SRPK1: variants seen among roughly 807,000 people sequenced by gnomAD.
SRPK1 encodes the protein SRSF protein kinase 1, also known as SFRS protein kinase 1.
A neutral mutation model predicts 89.5 loss-of-function variants in SRPK1; 52 were observed. The ratio of observed to expected loss-of-function variants is 0.58; its 90% confidence interval spans 0.46 to 0.73. The LOEUF is 0.73. SRPK1 is among the 30% of genes least tolerant of loss of function. The probability of loss-of-function intolerance (pLI) is 0.00; values close to 1 mark genes in which losing one functional copy is unlikely to be tolerated. For missense variants in SRPK1, 603 were observed against 780.6 expected, an observed-to-expected ratio of 0.77 and a Z score of 2.71; for synonymous variants, 255 against 270.2, an observed-to-expected ratio of 0.94 and a Z score of 0.55.
At chr6:35,891,714 C>T (rs972491397) in intron 2 of SRPK1, among the ~76,000 whole-genome samples, 8 of 142,664 alleles carry the variant, frequency 5.6e-5, no homozygotes, top group Admixed American at 2.2e-4. Flanking sequence ...GCAACAAGAG[C>T]GAAACTCTGT....
chr6:35,867,097 T>A (rs1769921996), intron 12 of SRPK1, among the ~76,000 whole-genome samples: 1 of 152,110 alleles, frequency 6.6e-6, no homozygotes, highest in South Asian at 2.1e-4. Context: ...AGGCCCTGAC[T>A]TCACCACAAT....
chr6:35,838,199 CTT>C, intron 15 of SRPK1, 136 bp downstream of exon 15: 1 of 649,424 alleles, frequency 1.5e-6, no homozygotes, highest in South Asian at 2.9e-5. Flanking sequence ...TTTTTTACCT[CTT>C]TTTTATCTCT....
intron 14 of SRPK1, among the ~76,000 whole-genome samples, chr6:35,840,753 A>T (rs576798382): frequency 6.6e-6 from 1 of 152,286 alleles, no homozygotes; most frequent in African/African-American, 2.4e-5. Flanking sequence ...AACTATGCAC[A>T]CACTAGTCAG....
At chr6:35,881,349 G>C (rs1770283667) in intron 6 of SRPK1, among the ~76,000 whole-genome samples, 1 of 151,926 alleles carries the variant, frequency 6.6e-6, no homozygotes, top group African/African-American at 2.4e-5. Flanking sequence ...TTTTCTACAT[G>C]ATTTAAAAAA....
chr6:35,842,637 C>T, intron 13 of SRPK1, 33 bp from the exon 14 acceptor site: 2 of 1,533,480 alleles, frequency 1.3e-6, no homozygotes, highest in East Asian at 2.3e-5. Flanking sequence ...TATGAAAGCA[C>T]AAAAGAAAAG....
At chr6:35,873,167 C>CT (rs1770070523) in intron 7 of SRPK1, among the ~76,000 whole-genome samples, 1 of 152,116 alleles carries the variant, frequency 6.6e-6, no homozygotes, top group Admixed American at 6.5e-5. Context: ...ATTTTTGCAC[C>CT]TTGAAGTATT....
chr6:35,849,056 T>C (rs1188144788), intron 13 of SRPK1, among the ~76,000 whole-genome samples: 1 of 152,124 alleles, frequency 6.6e-6, no homozygotes, highest in Non-Finnish European at 1.5e-5. Flanking sequence ...AGATAACCTA[T>C]GGGTTGGGAA....
chr6:35,913,651 AGCCAGGTGTGGTGGC>A, intron 2 of SRPK1, among the ~76,000 whole-genome samples: 1 of 151,944 alleles, frequency 6.6e-6, no homozygotes, highest in Admixed American at 6.6e-5. Context: ...TATAAAAATT[AGCCAGGTGTGGTGGC>A]ACGCACCTGT....
At chr6:35,911,541 C>A (rs1417826932) in intron 2 of SRPK1, among the ~76,000 whole-genome samples, 1 of 151,648 alleles carries the variant, frequency 6.6e-6, no homozygotes, top group Non-Finnish European at 1.5e-5. Context: ...ATGGTGAGAC[C>A]CTGTCTCAAA....
At position 35,835,563 on chromosome 6, in the gene SRPK1, AAACT is replaced by A. The variant is rs557654075; in HGVS notation, c.1784-79_1784-76del. ...ACAAGGTACTCTTGTGGAAACCCACAAACTAACCCATGTAGTCTATGAGGAATCA... is the reference window on the plus strand; with the variant it reads ...ACAAGGTACTCTTGTGGAAACCCACAAACCCATGTAGTCTATGAGGAATCA... On this transcript the variant is annotated intron_variant, in intron 15 of 15. Transcript: ENST00000373825. 302 of 1,370,656 alleles carry A rather than the reference AAACT, an allele frequency of 2.2e-4. 2 individuals are homozygous for A. In the South Asian group the frequency reaches 2.9e-3, roughly 13 times the overall value. The allele number at this position is 1,370,656 out of a possible 1,614,324, so 84.9% of individuals were successfully genotyped here.
chr6:35,887,256 C>T (rs540167210), intron 5 of SRPK1, among the ~76,000 whole-genome samples: 11 of 152,104 alleles, frequency 7.2e-5, no homozygotes, highest in Admixed American at 3.9e-4. Flanking sequence ...TTGTCACAAA[C>T]GGACATTCTG....
intron 2 of SRPK1, among the ~76,000 whole-genome samples, chr6:35,892,109 A>AT (rs1770529805): frequency 6.6e-6 from 1 of 152,244 alleles, no homozygotes; most frequent in South Asian, 2.1e-4. Flanking sequence ...ACTAAGTTAC[A>AT]TCCCCACCAG....
chr6:35,852,725 G>C (rs1769581170), intron 13 of SRPK1, among the ~76,000 whole-genome samples: 1 of 152,220 alleles, frequency 6.6e-6, no homozygotes, highest in Non-Finnish European at 1.5e-5. Flanking sequence ...TTTGGATTTT[G>C]ATAGTTTAAG....
chr6:35,881,682 G>A (rs534158133), intron 6 of SRPK1, among the ~76,000 whole-genome samples: 2 of 151,398 alleles, frequency 1.3e-5, no homozygotes, highest in Non-Finnish European at 3.0e-5. Flanking sequence ...TTAATAAAAG[G>A]TTCAACATAC....
intron 5 of SRPK1, among the ~76,000 whole-genome samples, chr6:35,887,222 T>C (rs979252074): frequency 1.3e-5 from 2 of 152,198 alleles, no homozygotes; most frequent in Non-Finnish European, 2.9e-5. Context: ...GATTTACTTT[T>C]GGGTAGGTAC....
chr6:35,842,606 TAAA>T lies in SRPK1; in HGVS notation c.1621-5_1621-3del. The T allele has an allele frequency of 7.6e-7, 1 of 1,320,478 alleles. No homozygotes were observed. 81.8% of individuals were successfully genotyped at this position (1,320,478 alleles called of 1,614,324 possible). On this transcript the variant is annotated splice_region_variant and splice_polypyrimidine_tract_variant and intron_variant, in intron 13 of 15. Transcript: ENST00000373825. ...GTCACCTGTGGCCAGTTCAAAGGCC[TAAA>T]AAAAAAAGAGGACAGTATATGAAAG... is the stretch of plus-strand genomic sequence containing the variant.
rs1389135796 is a variant in SRPK1, at chr6:35,834,074, C to T, written c.*1230G>A. On this transcript the variant is annotated 3_prime_UTR_variant, in exon 16 of 16. Transcript: ENST00000373825. ...AAAAAAGCCTCAAGTACATCTCAAT[C>T]ATGTCAAAATTATGGTTAAAAATTG... The T allele has an allele frequency of 6.6e-6, 1 of 152,544 alleles. No homozygotes were observed. The highest frequency in any genetic ancestry group is 1.5e-5 in the Non-Finnish European group (1 of 68,024). 9.4% of individuals were successfully genotyped at this position (152,544 alleles called of 1,614,324 possible). A position where few individuals can be genotyped will look rare whatever the true frequency, so the allele number is the denominator to read the frequency against.
rs1770009234 is a variant in SRPK1, at chr6:35,870,476, T to A, written c.796A>T (p.Asn266Tyr). The A allele has an allele frequency of 6.4e-7, 1 of 1,551,468 alleles. No homozygotes were observed. The change falls in exon 10 of 16, where the codon AAT becomes TAT. Residue 266 changes from asparagine to tyrosine, a missense_variant. Asn to Tyr is a moderately radical substitution (Grantham distance 143). Coordinates refer to ENST00000373825, the MANE Select transcript of SRPK1 (RefSeq NM_003137.5). ...QPKPADKMSK[N>Y]KKKKLKKKQK... is the part of the protein sequence containing the mutation. Reference sequence around the variant, plus strand: ...TTCTTCTTCAATTTCTTCTTCTTATTCTTTGACATTTTGTCAGCCTGGGCG... The same window carrying A: ...TTCTTCTTCAATTTCTTCTTCTTATACTTTGACATTTTGTCAGCCTGGGCG...
chr6:35,917,526 TA>T (rs1181405738), intron 2 of SRPK1, among the ~76,000 whole-genome samples: 1 of 152,204 alleles, frequency 6.6e-6, no homozygotes, highest in African/African-American at 2.4e-5. Flanking sequence ...AAGAATTGTC[TA>T]AATAAGAAAA....
Sources: allele counts gnomAD v4.1 joint callset (sites outside exome capture counted in the v4.1 genomes callset), GRCh38; gene constraint gnomAD v4.1.1; transcripts MANE v1.5; gene names NCBI Gene and HGNC (gene_info 2026-07-23, HGNC 2026-07-21).